RASGRP2: variants seen among roughly 807,000 people sequenced by gnomAD.
RASGRP2 encodes RAS guanyl-releasing protein 2.
A neutral mutation model predicts 71.0 loss-of-function variants in RASGRP2; 44 were observed. That is an observed-to-expected ratio of 0.62 (90% confidence interval 0.49 to 0.80). RASGRP2 has a LOEUF of 0.80. RASGRP2 is among the 30% of genes least tolerant of loss of function. RASGRP2 has a pLI of 0.00. For synonymous variants in RASGRP2, 350 were observed against 330.7 expected (o/e 1.06, Z -0.63); for missense variants, 663 against 813.4 (o/e 0.82, Z 2.25).
chr11:64,736,286 A>G (rs1252328069), intron 9 of RASGRP2, among the ~76,000 whole-genome samples: 1 of 152,176 alleles, frequency 6.6e-6, no homozygotes, highest in East Asian at 1.9e-4. Context: ...AGAAGCAGCT[A>G]AGAATCCACT....
Position 64,727,354 on chromosome 11 carries a change from C to T in RASGRP2, c.1778G>A (p.Arg593His), listed in dbSNP as rs149482849. The T allele has an allele frequency of 7.8e-4, 1,256 of 1,613,882 alleles. No individual in the cohort carries two copies. Among genetic ancestry groups the T allele is most frequent in the Non-Finnish European group, 1.0e-3 (1,176 of 1,179,872 alleles). ...GRRGSRPPEI[R>H]EEEVQTVEDG... ...CTCCACCGTCTGTACCTCCTCCTCACGGATCTCTGCTGGGAGGGGGATTGC... is the reference window on the plus strand; with the variant it reads ...CTCCACCGTCTGTACCTCCTCCTCATGGATCTCTGCTGGGAGGGGGATTGC... Residue 593 changes from arginine to histidine, a missense_variant, in exon 16 of 17, where the codon CGT (arginine) becomes CAT (histidine). Physicochemically the swap from Arg to His is conservative, Grantham distance 29. Transcript: ENST00000394432.
At position 64,742,495 on chromosome 11, in the gene RASGRP2, T is replaced by C. The variant is rs2058163075; in HGVS notation, c.73+299A>G. On this transcript the variant is annotated intron_variant, in intron 2 of 16. Transcript: ENST00000394432. The surrounding 1 kb of genome is among the most constrained non-coding windows in gnomAD (Gnocchi z 4.7). ...CCGGAAACAGCTCCCAGGCCGGAGA[T>C]AGCGAGTTCCTCCGGATTCCCCGGG... The C allele has an allele frequency of 7.0e-6, 4 of 571,868 alleles. No homozygotes were observed. The highest frequency in any genetic ancestry group is 3.0e-5 in the East Asian group (1 of 33,798). The allele number at this position is 571,868 out of a possible 1,614,324, so 35.4% of individuals were successfully genotyped here. A position where few individuals can be genotyped will look rare whatever the true frequency, so the allele number is the denominator to read the frequency against.
At chr11:64,740,836 T>C (rs543090624) in intron 5 of RASGRP2, 112 bp downstream of exon 5, 460 of 1,456,784 alleles carry the variant, frequency 3.2e-4, no homozygotes, top group Middle Eastern at 5.2e-4. Flanking sequence ...GGAAGGTTTT[T>C]AAGCGAGAGA....
At chr11:64,728,715 G>A (rs904214451) in intron 15 of RASGRP2, 148 bp downstream of exon 15, 4 of 908,906 alleles carry the variant, frequency 4.4e-6, no homozygotes, top group Admixed American at 5.8e-5. Context: ...TTACAGGCGT[G>A]AGCCACCGCG....
At chr11:64,732,575 C>T (rs557549329) in intron 12 of RASGRP2, among the ~76,000 whole-genome samples, 1 of 152,234 alleles carries the variant, frequency 6.6e-6, no homozygotes, top group Non-Finnish European at 1.5e-5. Context: ...TAGTGGATCA[C>T]GAGGTCTGGA....
At position 64,740,162 on chromosome 11, in the gene RASGRP2, G is replaced by A; in HGVS notation, c.373C>T (p.Pro125Ser). ...ACCTGCCGCTTCCACTTGTAGGTAG[G>A]GCTGGGGGGGCAGGGGTAGTGAGCC... ...HSSLIDIDSV[P>S]TYKWKRQVTQ... Residue 125 changes from proline (P) to serine (S), a missense_variant and splice_region_variant, in exon 6 of 17, where the codon CCT becomes TCT. Coordinates refer to ENST00000394432, the MANE Select transcript of RASGRP2 (RefSeq NM_001098671.2). The A allele has an allele frequency of 6.2e-7, 1 of 1,614,066 alleles. No individual in the cohort carries two copies. The highest frequency in any genetic ancestry group is 1.1e-5 in the South Asian group (1 of 91,080).
rs1489471199 is a variant in RASGRP2 at position 64,742,299 on chromosome 11, G to A, written c.74-187C>T. Among the ~76,000 whole-genome samples the A allele has an allele frequency of 6.6e-6, 1 of 152,132 alleles. No homozygotes were observed. The highest frequency in any genetic ancestry group is 1.5e-5 in the Non-Finnish European group (1 of 68,008). ...GGAAAGGTGTGGTGGGCGAGAGATA[G>A]GCACGCCCTGAGGACTGGAGGAGGG... is the stretch of plus-strand genomic sequence containing the variant. On this transcript the variant is annotated intron_variant, in intron 2 of 16. Transcript: ENST00000394432. The surrounding 1 kb of genome is among the most constrained non-coding windows in gnomAD (Gnocchi z 4.7).
Position 64,730,127 on chromosome 11 carries a change from G to A in RASGRP2, c.1480C>T (p.Arg494Cys). ...TGGAAGTTGTGTACGAAGCCCATGC[G>A]CCCCCCCAACACAGAGCTGGAGCGC... ...FLRSSSVLGG[R>C]MGFVHNFQES... Residue 494 changes from arginine to cysteine, a missense_variant, in exon 13 of 17, where the codon CGC becomes TGC. Transcript: ENST00000394432. 7.1e-6 allele frequency: 11 copies of A among 1,550,992 alleles called. No homozygotes were observed. Among genetic ancestry groups the A allele is most frequent in the Non-Finnish European group, 9.6e-6 (11 of 1,146,968 alleles).
rs1451683626 is a variant in RASGRP2, at chr11:64,743,988, C to T, written c.-72+15G>A. ...CTGTGCACACCTGCACGAAGAAACC[C>T]TCAGGCACACATACCCAGCTCGTCC... is the stretch of plus-strand genomic sequence containing the variant. On this transcript the variant is annotated intron_variant, in intron 1 of 16. Coordinates refer to ENST00000394432, the MANE Select transcript of RASGRP2 (RefSeq NM_001098671.2). This position sits in a 1 kb window ranked among gnomAD's most constrained non-coding sequence, Gnocchi z 4.9. The T allele has an allele frequency of 1.0e-6, 1 of 988,464 alleles. No individual in the cohort carries two copies. The highest frequency in any genetic ancestry group is 1.2e-6 in the Non-Finnish European group (1 of 831,068). The allele number at this position is 988,464 out of a possible 1,614,324, so 61.2% of individuals were successfully genotyped here.
In RASGRP2 at chr11:64,729,721, A is replaced by C. The variant is rs200952419; in HGVS notation, c.1591+41T>G. The C allele has an allele frequency of 1.1e-3, 1,753 of 1,610,516 alleles. 22 individuals are homozygous for C. Among genetic ancestry groups the C allele is most frequent in the South Asian group, 9.7e-3 (885 of 91,006 alleles). Reference sequence around the variant, plus strand: ...TCTCCCAAACAAACAAACAAAAAAAAAAAACACTGCCCAGCAGCCCTTCCA... The same window carrying C: ...TCTCCCAAACAAACAAACAAAAAAACAAAACACTGCCCAGCAGCCCTTCCA... On this transcript the variant is annotated intron_variant, in intron 14 of 16. Transcript: ENST00000394432.
chr11:64,730,350 G>A (rs1301691854), intron 12 of RASGRP2, among the ~76,000 whole-genome samples, 156 bp from the exon 13 acceptor site: 1 of 152,248 alleles, frequency 6.6e-6, no homozygotes, highest in African/African-American at 2.4e-5. Context: ...CTAGGGGTCA[G>A]GCAGATGTGG....
rs1445183347 is a variant in RASGRP2 at position 64,739,346 on chromosome 11, C to T, written c.813+14G>A. 3.7e-6 allele frequency: 6 copies of T among 1,607,680 alleles called. No homozygotes were observed. Among genetic ancestry groups the T allele is most frequent in the East Asian group, 2.2e-5 (1 of 44,838 alleles). ...AGACCTGGGAAGCACCGGCCCCTCCCCAGTCCCAGGCACCTTGATGGTCTC... is the reference window on the plus strand; with the variant it reads ...AGACCTGGGAAGCACCGGCCCCTCCTCAGTCCCAGGCACCTTGATGGTCTC... On this transcript the variant is annotated intron_variant, in intron 8 of 16. Coordinates refer to ENST00000394432, the MANE Select transcript of RASGRP2 (RefSeq NM_001098671.2). The surrounding 1 kb of genome is among the most constrained non-coding windows in gnomAD (Gnocchi z 4.2).
Position 64,740,046 on chromosome 11 carries a change from G to A in RASGRP2, c.489C>T (p.Thr163=), listed in dbSNP as rs78804864. The change falls in exon 6 of 17, where the codon ACC becomes ACT. Residue 163 remains threonine (T), a synonymous_variant. Coordinates refer to ENST00000394432, the MANE Select transcript of RASGRP2 (RefSeq NM_001098671.2). ...TGCAGAAGGAGCGATACTCCAAGTAGGTGAGATGCTCCGCCAGCTCCATGG... is the reference window on the plus strand; with the variant it reads ...TGCAGAAGGAGCGATACTCCAAGTAAGTGAGATGCTCCGCCAGCTCCATGG... The part of the protein sequence containing the change: ...LEPMELAEHL[T]YLEYRSFCKI... The A allele has an allele frequency of 2.7e-4, 433 of 1,614,142 alleles. 2 individuals carry two copies. The African/African-American group carries it at 5.1e-3, about 19-fold the overall frequency.
Position 64,742,440 on chromosome 11 carries a change from C to T in RASGRP2, c.74-328G>A, listed in dbSNP as rs2135798587. On this transcript the variant is annotated intron_variant, in intron 2 of 16. Coordinates refer to ENST00000394432, the MANE Select transcript of RASGRP2 (RefSeq NM_001098671.2). The surrounding 1 kb of genome is among the most constrained non-coding windows in gnomAD (Gnocchi z 4.7). ...CTGAGCGCTTGGGGGGAAGGGGCAC[C>T]CCTTCACCAGATAAGCCGCCCCCCA... is the stretch of plus-strand genomic sequence containing the variant. The T allele has an allele frequency of 5.3e-6, 3 of 562,472 alleles. No homozygotes were observed. The South Asian group carries it at 6.1e-5, about 11-fold the overall frequency. 34.8% of individuals were successfully genotyped at this position (562,472 alleles called of 1,614,324 possible).
At position 64,727,082 on chromosome 11, in the gene RASGRP2, G is replaced by T; in HGVS notation, c.*56C>A. The T allele has an allele frequency of 2.0e-6, 1 of 500,302 alleles. No individual in the cohort carries two copies. Among genetic ancestry groups the T allele is most frequent in the Admixed American group, 2.7e-5 (1 of 36,584 alleles). 31.0% of individuals were successfully genotyped at this position (500,302 alleles called of 1,614,324 possible). A position where few individuals can be genotyped will look rare whatever the true frequency, so the allele number is the denominator to read the frequency against. ...CCGACACCCCCAGGCTCCCTGCTCT[G>T]GTTGAAGTATTTTCTCCAAGGCAGG... is the stretch of plus-strand genomic sequence containing the variant. On this transcript the variant is annotated 3_prime_UTR_variant, in exon 17 of 17. Transcript: ENST00000394432.
Position 64,742,166 on chromosome 11 carries a change from C to T in RASGRP2, c.74-54G>A. ...CTGAGCTGGGTCCGCAGCTACCATG[C>T]CTCATCCTCACCCCGCAACCCGCCA... On this transcript the variant is annotated intron_variant, in intron 2 of 16. Transcript: ENST00000394432. This position sits in a 1 kb window ranked among gnomAD's most constrained non-coding sequence, Gnocchi z 4.7. The T allele has an allele frequency of 7.2e-7, 1 of 1,385,886 alleles. No homozygotes were observed. The highest frequency in any genetic ancestry group is 1.0e-6 in the Non-Finnish European group (1 of 996,470). The allele number at this position is 1,385,886 out of a possible 1,614,324, so 85.8% of individuals were successfully genotyped here.
chr11:64,729,989 G>A, intron 13 of RASGRP2, 64 bp downstream of exon 13: 2 of 1,531,668 alleles, frequency 1.3e-6, no homozygotes, highest in Middle Eastern at 2.3e-4. Flanking sequence ...GGGGCCAGAA[G>A]GGAGGGCGGG....
At chr11:64,741,211 C>T in intron 4 of RASGRP2, 132 bp from the exon 5 acceptor site, 1 of 1,249,450 alleles carries the variant, frequency 8.0e-7, no homozygotes, top group Non-Finnish European at 1.1e-6. Context: ...TTTCCTTCGC[C>T]ACTCCAAGTG....
intron 8 of RASGRP2, among the ~76,000 whole-genome samples, chr11:64,737,947 G>C (rs2058001070): frequency 6.6e-6 from 1 of 151,816 alleles, no homozygotes; most frequent in African/African-American, 2.4e-5. Context: ...TCAGGAGGCT[G>C]AGGCACGAGA....
Sources: allele counts gnomAD v4.1 joint callset (sites outside exome capture counted in the v4.1 genomes callset), GRCh38; gene constraint gnomAD v4.1.1; non-coding constraint Gnocchi (gnomAD v3.1); transcripts MANE v1.5; gene names NCBI Gene and HGNC (gene_info 2026-07-23, HGNC 2026-07-21).